The following DNAH12 variants were observed in gnomAD, a reference collection of about 807,000 sequenced individuals.
DNAH12 encodes dynein axonemal heavy chain 12.
DNAH12 carries 285 observed loss-of-function variants against 371.5 expected under a neutral mutation model. The observed-to-expected ratio is 0.77, with a 90% confidence interval of 0.70 to 0.85. DNAH12 has a LOEUF of 0.85. DNAH12 is among the 40% of genes least tolerant of loss of function. DNAH12 has a pLI of 0.00. For missense variants in DNAH12, 3,611 were observed against 3,689.4 expected, an observed-to-expected ratio of 0.98 and a Z score of 0.55; for synonymous variants, 1,200 against 1,213.0, an observed-to-expected ratio of 0.99 and a Z score of 0.22.
At chr3:57,347,893 C>T (rs1156845223) in intron 60 of DNAH12, among the ~76,000 whole-genome samples, 2 of 152,130 alleles carry the variant, frequency 1.3e-5, no homozygotes, top group Non-Finnish European at 2.9e-5. Context: ...AAATAGGTAA[C>T]ATGAACTCTT....
intron 4 of DNAH12, among the ~76,000 whole-genome samples, chr3:57,520,299 C>T (rs1469864754): frequency 6.6e-6 from 1 of 151,864 alleles, no homozygotes; most frequent in Non-Finnish European, 1.5e-5. Context: ...TTAGTAGCGA[C>T]GGTTTCACCA....
At chr3:57,398,518 C>G (rs1198365705) in intron 43 of DNAH12, among the ~76,000 whole-genome samples, 5 of 152,108 alleles carry the variant, frequency 3.3e-5, no homozygotes, top group African/African-American at 1.2e-4. Context: ...TGTCAAAAGT[C>G]AGATACAAAG....
intron 35 of DNAH12, among the ~76,000 whole-genome samples, chr3:57,424,342 G>A (rs550208539): frequency 2.3e-4 from 34 of 150,944 alleles, no homozygotes; most frequent in South Asian, 1.0e-3. Flanking sequence ...GTGGCAGTGC[G>A]CACCTGTAAT....
intron 17 of DNAH12, 98 bp downstream of exon 17, chr3:57,468,638 T>C (rs539170021): frequency 2.8e-6 from 2 of 709,576 alleles, no homozygotes; most frequent in South Asian, 4.1e-5. Flanking sequence ...ATAATAAACA[T>C]GTAAAACCAG....
intron 13 of DNAH12, among the ~76,000 whole-genome samples, chr3:57,475,498 TA>T (rs1190033948): frequency 1.3e-5 from 2 of 152,162 alleles, no homozygotes; most frequent in African/African-American, 4.8e-5. Context: ...AATAATATAT[TA>T]AAAATTACTA....
At chr3:57,384,672 T>C (rs2063466064) in intron 49 of DNAH12, among the ~76,000 whole-genome samples, 157 bp downstream of exon 49, 1 of 151,954 alleles carries the variant, frequency 6.6e-6, no homozygotes, top group Non-Finnish European at 1.5e-5. Context: ...AAAACAACAA[T>C]ATATCAAAGG....
intron 11 of DNAH12, among the ~76,000 whole-genome samples, chr3:57,492,196 C>T (rs1329026894): frequency 6.6e-6 from 1 of 151,786 alleles, no homozygotes; most frequent in Non-Finnish European, 1.5e-5. Context: ...AGTGGTGGCT[C>T]ATCCCTATAA....
At chr3:57,491,081 C>CAAAAAAAAAAAAAAAA (rs553885449) in intron 11 of DNAH12, among the ~76,000 whole-genome samples, 17 of 70,378 alleles carry the variant, frequency 2.4e-4, no homozygotes, top group South Asian at 6.2e-4. Flanking sequence ...GACTCTATCT[C>CAAAAAAAAAAAAAAAA]AAAAAAAAAA....
chr3:57,410,210 G>A (rs1222395026), intron 39 of DNAH12, among the ~76,000 whole-genome samples: 2 of 152,030 alleles, frequency 1.3e-5, no homozygotes, highest in Non-Finnish European at 2.9e-5. Context: ...AGAAACCTGT[G>A]TTGAGCAGGT....
At position 57,523,893 on chromosome 3, in the gene DNAH12, T is replaced by C. The variant is rs369102455; in HGVS notation, c.171-9A>G. On this transcript the variant is annotated splice_polypyrimidine_tract_variant and intron_variant, in intron 2 of 73. Transcript: ENST00000495027. ...TTTTGGCTCCATCAATTCTGAAATTTATAGTTAGAAATATGACTCTCTTGA... is the reference window on the plus strand; with the variant it reads ...TTTTGGCTCCATCAATTCTGAAATTCATAGTTAGAAATATGACTCTCTTGA... 9.5e-6 allele frequency: 15 copies of C among 1,577,596 alleles called. No individual in the cohort carries two copies. The highest frequency in any genetic ancestry group is 1.2e-5 in the Non-Finnish European group (14 of 1,158,944).
chr3:57,414,899 C>T (rs893001498), intron 38 of DNAH12, among the ~76,000 whole-genome samples: 1 of 152,044 alleles, frequency 6.6e-6, no homozygotes, highest in African/African-American at 2.4e-5. Flanking sequence ...ATGATAAAAA[C>T]GGCAATTAGA....
chr3:57,530,601 T>C, intron 2 of DNAH12: 2 of 614,664 alleles, frequency 3.3e-6, no homozygotes, highest in Non-Finnish European at 3.0e-6. Context: ...GGCCCCCTTC[T>C]TGCAGCCCAG....
chr3:57,356,789 G>A (rs1441111876), intron 59 of DNAH12, among the ~76,000 whole-genome samples: 1 of 151,918 alleles, frequency 6.6e-6, no homozygotes, highest in Non-Finnish European at 1.5e-5. Flanking sequence ...GCGCAGGCTG[G>A]AGTGCGGGGG....
Position 57,429,707 on chromosome 3 carries a change from T to G in DNAH12, c.5048A>C (p.Asp1683Ala), listed in dbSNP as rs145799134. 5.5e-3 allele frequency: 8,401 copies of G among 1,536,830 alleles called. 35 individuals carry two copies. The highest frequency in any genetic ancestry group is 0.013 in the South Asian group (1,066 of 79,492). Residue 1683 changes from aspartate (D) to alanine (A), a missense_variant, in exon 33 of 74, where the codon GAC (aspartate) becomes GCC (alanine). By Grantham distance (126) the Asp-to-Ala change is moderately radical. Transcript: ENST00000495027. ...PQMSLIFETM[D>A]LSQASPATVS... ...TGAACTTACGGATGCCTGGGAAAGG[T>G]CCATTGTTTCAAAGATGAGGCTCAT...
intron 43 of DNAH12, among the ~76,000 whole-genome samples, chr3:57,396,304 A>AAC (rs1559613581): frequency 0.12 from 17,565 of 141,772 alleles, 1,515 homozygotes; most frequent in East Asian, 0.48. Context: ...AAAAAAAAAA[A>AAC]AAAAAAGAGA....
intron 65 of DNAH12, among the ~76,000 whole-genome samples, chr3:57,317,875 A>C (rs768057927): frequency 1.3e-5 from 2 of 151,986 alleles, no homozygotes; most frequent in African/African-American, 4.8e-5. Flanking sequence ...GTATGAGATG[A>C]TATCTCATTG....
At chr3:57,496,323 G>A (rs2153387763) in intron 11 of DNAH12, among the ~76,000 whole-genome samples, 1 of 152,116 alleles carries the variant, frequency 6.6e-6, no homozygotes, top group East Asian at 1.9e-4. Flanking sequence ...ACTAAATTTT[G>A]GGGGTAATTC....
At chr3:57,390,617 A>G (rs1210650222) in intron 45 of DNAH12, among the ~76,000 whole-genome samples, 1 of 150,660 alleles carries the variant, frequency 6.6e-6, no homozygotes. Flanking sequence ...TGCACAGTCC[A>G]CATTCTATTG....
upstream of DNAH12, among the ~76,000 whole-genome samples, chr3:57,547,573 A>T (rs1346412833): frequency 1.3e-5 from 2 of 152,330 alleles, no homozygotes; most frequent in South Asian, 4.1e-4. Context: ...ATACTCATGA[A>T]TAGTTTCCTA....
Sources: gnomAD v4.1 joint callset for allele counts (sites outside exome capture counted in the v4.1 genomes callset) on GRCh38, gnomAD v4.1.1 for gene constraint, MANE v1.5 for transcripts, NCBI Gene and HGNC (gene_info 2026-07-23, HGNC 2026-07-21) for gene names.